Variants in SNTG1 observed in about 807,000 individuals in gnomAD.
SNTG1 encodes the protein gamma-1-syntrophin.
SNTG1 carries 39 observed loss-of-function variants against 74.7 expected under a neutral mutation model. The observed-to-expected ratio is 0.52, with a 90% CI of 0.40 to 0.68. The LOEUF (loss-of-function observed/expected upper bound fraction) is 0.68, where lower values mean the gene tolerates loss of function less well. Among genes scored for constraint, SNTG1 ranks in the 30% least tolerant of loss-of-function variants. The probability of loss-of-function intolerance (pLI) is 0.00; values close to 1 mark genes in which losing one functional copy is unlikely to be tolerated. For synonymous variants in SNTG1, 254 were observed against 217.1 expected (o/e 1.17, Z -1.49); for missense variants, 685 against 609.5 (o/e 1.12, Z -1.30).
intron 2 of SNTG1, among the ~76,000 whole-genome samples, chr8:50,323,474 T>C (rs2090610557): frequency 6.6e-6 from 1 of 152,198 alleles, no homozygotes; most frequent in South Asian, 2.1e-4. Context: ...GGCTTGTTTG[T>C]GCCTGTCCTT....
chr8:50,094,710 A>G (rs1020170513), intron 1 of SNTG1, among the ~76,000 whole-genome samples: 13 of 152,174 alleles, frequency 8.5e-5, no homozygotes, highest in African/African-American at 2.9e-4. Context: ...ACAAGGGAAC[A>G]CTTATAATGT....
chr8:50,180,705 C>G (rs930428292), intron 2 of SNTG1, among the ~76,000 whole-genome samples: 3 of 148,566 alleles, frequency 2.0e-5, no homozygotes, highest in Non-Finnish European at 4.4e-5. Context: ...TATATAATAG[C>G]ATTTTAGATT....
chr8:50,235,258 C>A (rs759195776), intron 2 of SNTG1, among the ~76,000 whole-genome samples: 1 of 152,018 alleles, frequency 6.6e-6, no homozygotes, highest in Non-Finnish European at 1.5e-5. Flanking sequence ...GAATACTACT[C>A]TGTCATAAAA....
At chr8:50,385,318 C>T (rs1435947804) in intron 2 of SNTG1, among the ~76,000 whole-genome samples, 1 of 152,146 alleles carries the variant, frequency 6.6e-6, no homozygotes, top group African/African-American at 2.4e-5. Context: ...CTCAAATAGG[C>T]CTCCTAGGCA....
chr8:50,070,263 T>C (rs1333235759), intron 1 of SNTG1, among the ~76,000 whole-genome samples: 2 of 152,208 alleles, frequency 1.3e-5, no homozygotes, highest in African/African-American at 4.8e-5. Context: ...GTGAGTTCTT[T>C]CCGTCTTTTT....
At chr8:50,225,894 A>G (rs538978660) in intron 2 of SNTG1, among the ~76,000 whole-genome samples, 6 of 152,292 alleles carry the variant, frequency 3.9e-5, no homozygotes, top group South Asian at 2.1e-4. Flanking sequence ...GACAATTGGC[A>G]TAGTATTTGC....
chr8:49,943,597 T>G (rs1808891215), intron 1 of SNTG1, among the ~76,000 whole-genome samples: 2 of 152,362 alleles, frequency 1.3e-5, no homozygotes, highest in South Asian at 4.1e-4. Context: ...ACTTCTCTTT[T>G]GTCCAATTTG....
intron 5 of SNTG1, among the ~76,000 whole-genome samples, chr8:50,439,645 C>T (rs1334354622): frequency 6.7e-6 from 1 of 150,288 alleles, no homozygotes; most frequent in Non-Finnish European, 1.5e-5. Context: ...GCATGCAGAA[C>T]AGATTATAGG....
chr8:50,585,133 C>T (rs1267214241), intron 12 of SNTG1, among the ~76,000 whole-genome samples: 2 of 152,132 alleles, frequency 1.3e-5, no homozygotes, highest in African/African-American at 4.8e-5. Context: ...AAATGAGTTT[C>T]CAAGAAATCA....
chr8:49,994,919 C>T (rs1814063384), intron 1 of SNTG1, among the ~76,000 whole-genome samples: 1 of 152,086 alleles, frequency 6.6e-6, no homozygotes, highest in African/African-American at 2.4e-5. Context: ...TTTCAATGCC[C>T]TCATGGGTCT....
At chr8:49,982,502 G>T (rs772805459) in intron 1 of SNTG1, among the ~76,000 whole-genome samples, 1 of 149,704 alleles carries the variant, frequency 6.7e-6, no homozygotes, top group Non-Finnish European at 1.5e-5. Context: ...TCACATATAT[G>T]TATACATGTA....
intron 1 of SNTG1, among the ~76,000 whole-genome samples, chr8:50,014,735 T>A (rs986183705): frequency 6.6e-6 from 1 of 152,110 alleles, no homozygotes; most frequent in South Asian, 2.1e-4. Context: ...TAAATTATAA[T>A]GTTTAAGGTG....
At position 50,120,122 on chromosome 8, in the gene SNTG1, C is replaced by T. The variant is rs190069412; in HGVS notation, c.-102-52439C>T. ...TGTCTTGTTATTTTTGTTTTCTCCC[C>T]CTCTAGCAAAAATGTTAATAGTAGT... On this transcript the variant is annotated intron_variant, in intron 1 of 18. Transcript: ENST00000642720. Among the ~76,000 whole-genome samples the T allele has an allele frequency of 2.1e-4, 30 of 141,420 alleles. 3 individuals carry two copies. The highest frequency in any genetic ancestry group is 2.1e-3 in the Admixed American group (28 of 13,650). The allele number at this position is 141,420 out of a possible 152,430, so 92.8% of individuals were successfully genotyped here.
In SNTG1 at chr8:50,784,440, AC is replaced by A. The variant is rs1437983732; in HGVS notation, c.1396-8230del. 7.2e-5 allele frequency among the ~76,000 whole-genome samples: 11 copies of A among 152,350 alleles called. No individual in the cohort carries two copies. The South Asian group carries it at 1.7e-3, about 23-fold the overall frequency. On this transcript the variant is annotated intron_variant, in intron 18 of 18. Coordinates refer to ENST00000642720, the MANE Select transcript of SNTG1 (RefSeq NM_018967.5). ...TTTAAGTCAAAAATTGTTTCAAGAT[AC>A]TAAAAAGGGCATTTTATAATGAAAA...
At chr8:50,783,944 C>T (rs1225997549) in intron 18 of SNTG1, among the ~76,000 whole-genome samples, 2 of 152,212 alleles carry the variant, frequency 1.3e-5, no homozygotes, top group African/African-American at 4.8e-5. Context: ...CCAAATCTTA[C>T]ATAAACATTA....
intron 1 of SNTG1, among the ~76,000 whole-genome samples, chr8:49,941,021 T>C (rs2129375142): frequency 6.6e-6 from 1 of 152,288 alleles, no homozygotes; most frequent in East Asian, 1.9e-4. Context: ...GATGGGAACG[T>C]GGACTGGACT....
chr8:49,930,377 T>C (rs940720795), intron 1 of SNTG1, among the ~76,000 whole-genome samples: 17 of 152,236 alleles, frequency 1.1e-4, no homozygotes, highest in Middle Eastern at 3.4e-3. Flanking sequence ...AATCATACTA[T>C]AACCTCAATA....
At chr8:50,048,112 AT>A (rs1354235419) in intron 1 of SNTG1, among the ~76,000 whole-genome samples, 18 of 152,170 alleles carry the variant, frequency 1.2e-4, no homozygotes, top group Non-Finnish European at 2.1e-4. Context: ...ATGAAAAAAA[AT>A]AAAGTAATTT....
chr8:50,476,144 A>G (rs2093695575), intron 8 of SNTG1, among the ~76,000 whole-genome samples: 1 of 152,112 alleles, frequency 6.6e-6, no homozygotes, highest in African/African-American at 2.4e-5. Flanking sequence ...AAGTCGCCCT[A>G]ATTTTACTTA....
Sources: gnomAD v4.1 joint callset for allele counts (sites outside exome capture counted in the v4.1 genomes callset) on GRCh38, gnomAD v4.1.1 for gene constraint, MANE v1.5 for transcripts, NCBI Gene and HGNC (gene_info 2026-07-23, HGNC 2026-07-21) for gene names.